The following MAPK10 variants were observed in gnomAD, a reference collection of about 807,000 sequenced individuals.
MAPK10 encodes the protein JNK3 alpha protein kinase.
In MAPK10, 25 loss-of-function variants were observed where a neutral mutation model predicts 59.3. The observed-to-expected ratio is 0.42, with a 90% CI of 0.31 to 0.59. The LOEUF (loss-of-function observed/expected upper bound fraction) is 0.59. Ranked by LOEUF, MAPK10 falls within the 20% of genes least tolerant of loss-of-function variation. The pLI, the probability that MAPK10 is intolerant of heterozygous loss-of-function variation, is 0.15. For synonymous variants in MAPK10, 190 were observed against 200.5 expected (o/e 0.95, Z 0.44); for missense variants, 351 against 568.9 (o/e 0.62, Z 3.90).
chr4:86,591,204 G>A (rs947381976), intron 1 of MAPK10, among the ~76,000 whole-genome samples: 2 of 152,126 alleles, frequency 1.3e-5, no homozygotes, highest in Non-Finnish European at 2.9e-5. Flanking sequence ...GATTACAGGC[G>A]TGAGCCACCA....
chr4:86,044,891 ATGT>A (rs1422254151), intron 11 of MAPK10: 3 of 395,184 alleles, frequency 7.6e-6, no homozygotes, highest in Non-Finnish European at 1.3e-5. Context: ...CTAGTTCCAA[ATGT>A]TCAACAAATA....
At chr4:86,552,498 A>AGGGAGGGG (rs1200025298) in intron 1 of MAPK10, among the ~76,000 whole-genome samples, 5 of 43,672 alleles carry the variant, frequency 1.1e-4, no homozygotes, top group Admixed American at 2.4e-4. Context: ...GGAGGGAGGG[A>AGGGAGGGG]AGGAAAGGAA....
chr4:86,166,581 A>G (rs541723887), intron 3 of MAPK10, among the ~76,000 whole-genome samples: 77 of 152,320 alleles, frequency 5.1e-4, no homozygotes, highest in African/African-American at 1.6e-3. Context: ...TGAAAGCACT[A>G]TGATACTCCT....
intron 2 of MAPK10, among the ~76,000 whole-genome samples, chr4:86,310,142 C>T (rs1393400256): frequency 6.6e-6 from 1 of 152,154 alleles, no homozygotes; most frequent in Non-Finnish European, 1.5e-5. Flanking sequence ...GACTTCCTGC[C>T]CTTGCTTCAG....
intron 2 of MAPK10, among the ~76,000 whole-genome samples, chr4:86,338,127 C>G (rs1484729574): frequency 6.6e-6 from 1 of 152,162 alleles, no homozygotes; most frequent in Non-Finnish European, 1.5e-5. Context: ...CACCTTCTTT[C>G]TGTGTCCTAA....
At chr4:86,040,796 C>G (rs1409336978) in intron 11 of MAPK10, 1 of 152,052 alleles carries the variant, frequency 6.6e-6, no homozygotes, top group South Asian at 2.1e-4. Context: ...AGAAACCTTA[C>G]AGGCCAGGAG....
chr4:86,432,534 C>T (rs537468174), intron 1 of MAPK10, among the ~76,000 whole-genome samples: 1 of 152,316 alleles, frequency 6.6e-6, no homozygotes, highest in African/African-American at 2.4e-5. Flanking sequence ...CCTGCCTCGG[C>T]CTCCCAAAGT....
intron 2 of MAPK10, among the ~76,000 whole-genome samples, chr4:86,274,524 C>T (rs765955999): frequency 2.1e-4 from 32 of 151,878 alleles, no homozygotes; most frequent in Admixed American, 8.5e-4. Flanking sequence ...CACCCCTCTC[C>T]CCTAAACCTC....
intron 2 of MAPK10, among the ~76,000 whole-genome samples, chr4:86,341,820 G>GAAAAAAAAAAAAAA (rs71657572): frequency 7.1e-6 from 1 of 140,974 alleles, no homozygotes; most frequent in Non-Finnish European, 1.5e-5. Flanking sequence ...GACCAAAAAA[G>GAAAAAAAAAAAAAA]AAAAAAAAAA....
rs1741374100 is a variant in MAPK10, at chr4:86,010,824, A to T, written c.*6404T>A. On this transcript the variant is annotated 3_prime_UTR_variant, in exon 14 of 14. Transcript: ENST00000641462. ...GGGACAGTCTTCTAGGGAATATGTG[A>T]GGGGTTTTTAAGATGGATAACATTT... The T allele has an allele frequency of 6.6e-6, 1 of 152,202 alleles. No homozygotes were observed. Among genetic ancestry groups the T allele is most frequent in the African/African-American group, 2.4e-5 (1 of 41,462 alleles). The allele number at this position is 152,202 out of a possible 1,614,324, so 9.4% of individuals were successfully genotyped here.
intron 4 of MAPK10, among the ~76,000 whole-genome samples, chr4:86,112,058 T>C (rs1004014225): frequency 1.6e-4 from 25 of 151,850 alleles, no homozygotes; most frequent in African/African-American, 6.0e-4. Flanking sequence ...TGTGGGGTGA[T>C]AACCCCTTTA....
At chr4:86,242,710 A>T (rs2092812558) in intron 2 of MAPK10, among the ~76,000 whole-genome samples, 1 of 152,148 alleles carries the variant, frequency 6.6e-6, no homozygotes, top group Non-Finnish European at 1.5e-5. Flanking sequence ...AGCAGGGGAG[A>T]AGCGCAGCTT....
intron 2 of MAPK10, among the ~76,000 whole-genome samples, chr4:86,342,511 T>A (rs576235080): frequency 6.8e-6 from 1 of 146,202 alleles, no homozygotes; most frequent in Non-Finnish European, 1.5e-5. Flanking sequence ...TTATTATTGA[T>A]GGCTTAGATT....
At chr4:86,229,632 T>C (rs1052677413) in intron 2 of MAPK10, among the ~76,000 whole-genome samples, 3 of 152,212 alleles carry the variant, frequency 2.0e-5, no homozygotes, top group Admixed American at 6.5e-5. Context: ...AACTGGCTTT[T>C]TTCATTGTAT....
chr4:86,507,375 GA>G (rs1225241014), intron 1 of MAPK10, among the ~76,000 whole-genome samples: 1 of 151,304 alleles, frequency 6.6e-6, no homozygotes, highest in Non-Finnish European at 1.5e-5. Context: ...GTAGTGCGGA[GA>G]AAAAACCCCT....
At chr4:86,311,687 A>G (rs921316147) in intron 2 of MAPK10, among the ~76,000 whole-genome samples, 1 of 152,074 alleles carries the variant, frequency 6.6e-6, no homozygotes, top group African/African-American at 2.4e-5. Context: ...GGTTATGTCA[A>G]AGGCAAGCCC....
chr4:86,465,764 T>TC (rs1295997386), intron 1 of MAPK10, among the ~76,000 whole-genome samples: 2 of 152,138 alleles, frequency 1.3e-5, no homozygotes, highest in African/African-American at 4.8e-5. Context: ...AGGAAGAGAT[T>TC]CCGGGAGGAT....
At chr4:86,362,800 T>C (rs906725003), upstream of MAPK10, among the ~76,000 whole-genome samples, 2 of 152,102 alleles carry the variant, frequency 1.3e-5, no homozygotes, top group African/African-American at 2.4e-5. Flanking sequence ...TCATCACATA[T>C]TGACAAGGAC....
At chr4:86,258,418 T>C (rs1341420820) in intron 2 of MAPK10, among the ~76,000 whole-genome samples, 1 of 152,196 alleles carries the variant, frequency 6.6e-6, no homozygotes, top group Non-Finnish European at 1.5e-5. Flanking sequence ...TCCTGGGTTT[T>C]AAACCCCTTC....
Sources: allele counts gnomAD v4.1 joint callset (sites outside exome capture counted in the v4.1 genomes callset), GRCh38; gene constraint gnomAD v4.1.1; transcripts MANE v1.5; gene names NCBI Gene and HGNC (gene_info 2026-07-23, HGNC 2026-07-21).